Variants in CDR2 observed in about 807,000 individuals in gnomAD.
CDR2 encodes the protein cerebellar degeneration related protein 2, also known as cerebellar degeneration-related protein 2.
Under a neutral mutation model 48.4 loss-of-function variants are expected in CDR2, and 34 were observed. The ratio of observed to expected loss-of-function variants is 0.70; its 90% CI spans 0.53 to 0.94. The LOEUF is 0.94. Among genes scored for constraint, CDR2 ranks in the 40% least tolerant of loss-of-function variants. The pLI, the probability that CDR2 is intolerant of heterozygous loss-of-function variation, is 0.00. For missense variants in CDR2, 498 were observed against 549.5 expected (o/e 0.91, Z 0.94); for synonymous variants, 240 against 219.7 (o/e 1.09, Z -0.82).
rs139519554 is a variant in CDR2, at chr16:22,349,822, G to A, written c.220C>T (p.Arg74Trp). The change falls in exon 3 of 5, where the codon CGG becomes TGG. Residue 74 changes from arginine (R) to tryptophan (W), a missense_variant. By Grantham distance (101) the Arg-to-Trp change is moderately radical. Coordinates refer to ENST00000268383, the MANE Select transcript of CDR2 (RefSeq NM_001802.2). Reference protein sequence around the residue: ...EYLTKQVELLRQMNEQHAKVY... With the variant: ...EYLTKQVELLWQMNEQHAKVY... ...TTTGCATGTTGTTCGTTCATCTGCC[G>A]TAGAAGTTCCACTTGCTTCGTCAGA... 17 of 1,614,034 alleles carry A rather than the reference G, an allele frequency of 1.1e-5. No individual in the cohort carries two copies. Among genetic ancestry groups the A allele is most frequent in the Non-Finnish European group, 1.2e-5 (14 of 1,179,936 alleles).
At chr16:22,357,828 TA>T (rs2048985464) in intron 2 of CDR2, among the ~76,000 whole-genome samples, 1 of 152,180 alleles carries the variant, frequency 6.6e-6, no homozygotes, top group African/African-American at 2.4e-5. Flanking sequence ...GTTTGATATA[TA>T]AAAACCTGTG....
At chr16:22,359,251 T>C (rs1465332106) in intron 2 of CDR2, among the ~76,000 whole-genome samples, 1 of 152,032 alleles carries the variant, frequency 6.6e-6, no homozygotes, top group Non-Finnish European at 1.5e-5. Context: ...CTCAGCCTCC[T>C]GAGTAGCTGG....
Position 22,347,025 on chromosome 16 carries a change from T to C in CDR2, c.1305A>G (p.Lys435=). The change falls in exon 5 of 5, where the codon AAA becomes AAG. Residue 435 remains lysine, a synonymous_variant. Transcript: ENST00000268383. ...TCTGTTCATCTATTTCCTGCTTAGTTTTCTTGATGCAACTAAAGATCTCCT... is the reference window on the plus strand; with the variant it reads ...TCTGTTCATCTATTTCCTGCTTAGTCTTCTTGATGCAACTAAAGATCTCCT... The part of the protein sequence containing the change: ...LFKEIFSCIK[K]TKQEIDEQRT... The C allele has an allele frequency of 6.2e-7, 1 of 1,614,144 alleles. No individual in the cohort carries two copies. The highest frequency in any genetic ancestry group is 1.3e-5 in the African/African-American group (1 of 75,062).
rs1254956102 is a variant in CDR2 at position 22,373,550 on chromosome 16, T to C, written c.79+681A>G. Among the ~76,000 whole-genome samples, 16 of 152,348 alleles carry C rather than the reference T, an allele frequency of 1.1e-4. No individual in the cohort carries two copies. In the East Asian group the frequency reaches 3.1e-3, roughly 29 times the overall value. On this transcript the variant is annotated intron_variant, in intron 1 of 4. Coordinates refer to ENST00000268383, the MANE Select transcript of CDR2 (RefSeq NM_001802.2). ...TTTACCGTTTTAATCTCCGCTTTCC[T>C]CATATGGAAAATGGGATAACAAAAG...
Position 22,347,475 on chromosome 16 carries a change from C to G in CDR2, c.855G>C (p.Glu285Asp), listed in dbSNP as rs896170813. Reference protein sequence around the residue: ...VPDSLYVPFKEPSQSLLEEMF... With the variant: ...VPDSLYVPFKDPSQSLLEEMF... ...TCTCTTCCAGCAGGCTCTGGCTGGG[C>G]TCTTTGAAAGGAACATACAGAGAGT... The change falls in exon 5 of 5, where the codon GAG becomes GAC. Residue 285 changes from glutamate to aspartate, a missense_variant. Coordinates refer to ENST00000268383, the MANE Select transcript of CDR2 (RefSeq NM_001802.2). 1.9e-6 allele frequency: 3 copies of G among 1,614,042 alleles called. No homozygotes were observed. The highest frequency in any genetic ancestry group is 2.2e-5 in the East Asian group (1 of 44,874).
intron 2 of CDR2, among the ~76,000 whole-genome samples, chr16:22,359,476 T>C (rs909468834): frequency 1.3e-5 from 2 of 152,126 alleles, no homozygotes; most frequent in Admixed American, 1.3e-4. Context: ...TTTATACCGT[T>C]CAAAATATAT....
intron 2 of CDR2, among the ~76,000 whole-genome samples, chr16:22,353,801 T>A (rs2048957462): frequency 6.6e-6 from 1 of 152,212 alleles, no homozygotes; most frequent in Non-Finnish European, 1.5e-5. Flanking sequence ...ATCCCCTGGG[T>A]ATCTCCCACA....
At chr16:22,364,521 G>A (rs2049032368) in intron 2 of CDR2, among the ~76,000 whole-genome samples, 1 of 152,042 alleles carries the variant, frequency 6.6e-6, no homozygotes, top group African/African-American at 2.4e-5. Flanking sequence ...GTGGATATAT[G>A]GGTATTCACT....
chr16:22,349,895 C>G, intron 2 of CDR2, 46 bp from the exon 3 acceptor site: 1 of 1,591,268 alleles, frequency 6.3e-7, no homozygotes, highest in Non-Finnish European at 8.6e-7. Context: ...GATAAGATAC[C>G]TGCTGTTTCT....
intron 1 of CDR2, 48 bp downstream of exon 1, chr16:22,374,183 C>A: frequency 8.0e-7 from 1 of 1,242,662 alleles, no homozygotes; most frequent in Non-Finnish European, 1.1e-6. Context: ...GCAGCGGGGG[C>A]CTCCCGGGCC....
intron 1 of CDR2, chr16:22,366,982 G>A (rs79534642): frequency 0.053 from 8,016 of 152,264 alleles, 334 homozygotes; most frequent in Non-Finnish European, 0.083. Flanking sequence ...AGATAAAGCG[G>A]GGGAGAAAAA....
chr16:22,347,785 G>C lies in CDR2; in HGVS notation c.545C>G (p.Thr182Ser). The C allele has an allele frequency of 6.2e-7, 1 of 1,613,874 alleles. No individual in the cohort carries two copies. Among genetic ancestry groups the C allele is most frequent in the South Asian group, 1.1e-5 (1 of 91,082 alleles). ...VYDHVFAEKI[T>S]SLQGQPSPDE... ...AGGGCTTGGCTGACCTTGCAAGGAAGTGATCTTCTCAGCGAACACATGATC... is the reference window on the plus strand; with the variant it reads ...AGGGCTTGGCTGACCTTGCAAGGAACTGATCTTCTCAGCGAACACATGATC... The change falls in exon 5 of 5, where the codon ACT (threonine) becomes AGT (serine). Residue 182 changes from threonine to serine, a missense_variant. Physicochemically the swap from Thr to Ser is moderately conservative, Grantham distance 58. Transcript: ENST00000268383.
chr16:22,350,971 G>A (rs535334150), intron 2 of CDR2, among the ~76,000 whole-genome samples: 25 of 152,260 alleles, frequency 1.6e-4, no homozygotes, highest in African/African-American at 6.0e-4. Context: ...TTGGTTTGCT[G>A]CACCCATCAA....
intron 4 of CDR2, 99 bp downstream of exon 4, chr16:22,349,180 A>G (rs759549116): frequency 3.0e-5 from 39 of 1,289,000 alleles, no homozygotes; most frequent in Non-Finnish European, 4.2e-5. Flanking sequence ...TAGCTAAGTG[A>G]CTTTTCTTAA....
intron 2 of CDR2, 28 bp downstream of exon 2, chr16:22,364,874 A>C (rs773848682): frequency 7.5e-6 from 10 of 1,339,106 alleles, no homozygotes; most frequent in Non-Finnish European, 1.1e-5. Flanking sequence ...AAGTGTCAAA[A>C]GTGTAACTCT....
chr16:22,347,214 G>A lies in CDR2; in HGVS notation c.1116C>T (p.Asp372=). The A allele has an allele frequency of 6.2e-7, 1 of 1,614,198 alleles. No individual in the cohort carries two copies. The highest frequency in any genetic ancestry group is 8.5e-7 in the Non-Finnish European group (1 of 1,180,044). ...ELLKKCQEEQ[D]SLSHKAVQTS... is the part of the protein sequence containing the mutation. ...TCTGCACAGCCTTGTGTGACAGGGA[G>A]TCCTGTTCCTCTTGGCACTTCTTCA... The change falls in exon 5 of 5, where the codon GAC becomes GAT. Residue 372 remains aspartate (D), a synonymous_variant. Coordinates refer to ENST00000268383, the MANE Select transcript of CDR2 (RefSeq NM_001802.2).
Position 22,346,922 on chromosome 16 carries a change from G to A in CDR2, c.*43C>T, listed in dbSNP as rs2048908830. ...ACACTTGTCTGAATGGGAGAGAGAG[G>A]CGATAGGCAATAGGCAAATTAGTAG... On this transcript the variant is annotated 3_prime_UTR_variant, in exon 5 of 5. Transcript: ENST00000268383. 11 of 1,572,636 alleles carry A rather than the reference G, an allele frequency of 7.0e-6. No individual in the cohort carries two copies. The East Asian group carries it at 2.5e-4, about 35-fold the overall frequency.
At chr16:22,374,168 G>T in intron 1 of CDR2, 63 bp downstream of exon 1, 1 of 1,109,760 alleles carries the variant, frequency 9.0e-7, no homozygotes, top group Non-Finnish European at 1.3e-6. Flanking sequence ...CTTTTTAACA[G>T]TTTCGCAGCG....
chr16:22,364,147 T>C (rs1431114332), intron 2 of CDR2, among the ~76,000 whole-genome samples: 1 of 152,120 alleles, frequency 6.6e-6, no homozygotes, highest in Non-Finnish European at 1.5e-5. Flanking sequence ...TTTACCACGT[T>C]GCCCAGGCTG....
Sources: gnomAD v4.1 joint callset for allele counts (sites outside exome capture counted in the v4.1 genomes callset) on GRCh38, gnomAD v4.1.1 for gene constraint, MANE v1.5 for transcripts, NCBI Gene and HGNC (gene_info 2026-07-23, HGNC 2026-07-21) for gene names.